The following ARHGAP44 variants were observed in gnomAD, a reference collection of about 807,000 sequenced individuals.
ARHGAP44 encodes rho GTPase-activating protein 44.
A neutral mutation model predicts 106.8 loss-of-function variants in ARHGAP44; 43 were observed. The observed-to-expected ratio is 0.40, with a 90% CI of 0.32 to 0.52. The LOEUF (loss-of-function observed/expected upper bound fraction) is 0.52, where lower values mean the gene tolerates loss of function less well. Ranked by LOEUF, ARHGAP44 falls within the 20% of genes least tolerant of loss-of-function variation. The pLI is 0.48. For missense variants in ARHGAP44, 866 were observed against 1,050.5 expected, an observed-to-expected ratio of 0.82 and a Z score of 2.43; for synonymous variants, 439 against 410.3, an observed-to-expected ratio of 1.07 and a Z score of -0.85.
chr17:12,793,715 A>C lies in ARHGAP44; in HGVS notation c.53+3824A>C, dbSNP rs543077394. Among the ~76,000 whole-genome samples, 1,025 of 152,068 alleles carry C rather than the reference A, an allele frequency of 6.7e-3. 4 individuals are homozygous for C. The highest frequency in any genetic ancestry group is 0.012 in the South Asian group (57 of 4,822). ...AGAGTGAGACTCCATCTCACACAAA[A>C]AAAAAAAAAGGAACCTGCATTCTAA... On this transcript the variant is annotated intron_variant, in intron 1 of 20. Transcript: ENST00000379672.
intron 16 of ARHGAP44, among the ~76,000 whole-genome samples, chr17:12,968,422 C>T (rs73978292): frequency 0.056 from 8,462 of 152,220 alleles, 792 homozygotes; most frequent in African/African-American, 0.19. Flanking sequence ...CAGGCTGAGC[C>T]TCCTGCGCCC....
intron 1 of ARHGAP44, among the ~76,000 whole-genome samples, chr17:12,847,707 C>T (rs904053574): frequency 6.6e-6 from 1 of 151,120 alleles, no homozygotes; most frequent in African/African-American, 2.4e-5. Flanking sequence ...TTAGTAGAGA[C>T]GGGGTTTCAC....
At chr17:12,985,555 C>G (rs1021364920) in intron 20 of ARHGAP44, 3 of 152,236 alleles carry the variant, frequency 2.0e-5, no homozygotes, top group Non-Finnish European at 2.9e-5. Context: ...TCTCTTCCCC[C>G]AGAAAAATCT....
At chr17:12,968,967 C>T (rs1015837592) in intron 16 of ARHGAP44, among the ~76,000 whole-genome samples, 7 of 152,024 alleles carry the variant, frequency 4.6e-5, no homozygotes, top group African/African-American at 1.7e-4. Context: ...GATGGGGTTT[C>T]ACAGTGTTAG....
intron 17 of ARHGAP44, 35 bp downstream of exon 17, chr17:12,973,354 C>CA: frequency 6.3e-7 from 1 of 1,598,136 alleles, no homozygotes; most frequent in East Asian, 2.2e-5. Flanking sequence ...AGGCCATGCT[C>CA]AGTCTCTTCA....
In ARHGAP44 at chr17:12,851,558, G is replaced by A. The variant is rs572013094; in HGVS notation, c.54-43382G>A. Among the ~76,000 whole-genome samples, 10 of 151,964 alleles carry A rather than the reference G, an allele frequency of 6.6e-5. No homozygotes were observed. The South Asian group carries it at 1.7e-3, about 25-fold the overall frequency. On this transcript the variant is annotated intron_variant, in intron 1 of 20. Coordinates refer to ENST00000379672, the MANE Select transcript of ARHGAP44 (RefSeq NM_014859.6). ...TCTCGGCTCACCACAACCTCCGTCC[G>A]GTTGTAGCTGGGATTACAGGCATGC...
At chr17:12,881,542 A>C (rs890647236) in intron 1 of ARHGAP44, among the ~76,000 whole-genome samples, 1 of 152,072 alleles carries the variant, frequency 6.6e-6, no homozygotes, top group Non-Finnish European at 1.5e-5. Flanking sequence ...ACCGATGCAA[A>C]CATTGATATA....
At chr17:12,987,388 C>T (rs1598170051) in intron 20 of ARHGAP44, 1 of 447,112 alleles carries the variant, frequency 2.2e-6, no homozygotes. Context: ...AGAACCCAGC[C>T]AGCCCCTTTC....
Position 12,978,035 on chromosome 17 carries a change from T to TAAAAAAAAAAAAAAAAAAA in ARHGAP44, c.1764-2023_1764-2022insAAAAAAAAAAAAAAAAAAA, listed in dbSNP as rs757585682. On this transcript the variant is annotated intron_variant, in intron 18 of 20. Coordinates refer to ENST00000379672, the MANE Select transcript of ARHGAP44 (RefSeq NM_014859.6). ...CTGGGCAACAGAGCAAGACTCCATC[T>TAAAAAAAAAAAAAAAAAAA]CAAAAAAAAAAAAAAAAAAAAGTGT... Among the ~76,000 whole-genome samples the TAAAAAAAAAAAAAAAAAAA allele has an allele frequency of 0.011, 586 of 55,498 alleles. 170 individuals carry two copies. The East Asian group carries it at 0.14, about 13-fold the overall frequency. 36.4% of individuals were successfully genotyped at this position (55,498 alleles called of 152,430 possible). A position where few individuals can be genotyped will look rare whatever the true frequency, so the allele number is the denominator to read the frequency against.
At chr17:12,963,417 T>C (rs1291175329) in intron 16 of ARHGAP44, among the ~76,000 whole-genome samples, 1 of 152,194 alleles carries the variant, frequency 6.6e-6, no homozygotes, top group East Asian at 1.9e-4. Flanking sequence ...TGGAGAGAAA[T>C]GGAAGTCCCC....
chr17:12,881,281 C>T (rs1165908699), intron 1 of ARHGAP44, among the ~76,000 whole-genome samples: 2 of 151,968 alleles, frequency 1.3e-5, no homozygotes, highest in Admixed American at 6.6e-5. Context: ...TTCCCTTAGG[C>T]GTTTTAATAT....
chr17:12,864,818 T>C (rs1009334721), intron 1 of ARHGAP44, among the ~76,000 whole-genome samples: 4 of 152,166 alleles, frequency 2.6e-5, no homozygotes, highest in Non-Finnish European at 4.4e-5. Flanking sequence ...GTTTCCACAA[T>C]ATAAAAACTA....
At chr17:12,875,640 A>G (rs1448900078) in intron 1 of ARHGAP44, among the ~76,000 whole-genome samples, 1 of 151,998 alleles carries the variant, frequency 6.6e-6, no homozygotes, top group Non-Finnish European at 1.5e-5. Context: ...AACACCCTCA[A>G]GCTATTTTAA....
At chr17:12,904,828 G>GAATGA in intron 3 of ARHGAP44, among the ~76,000 whole-genome samples, 1 of 152,304 alleles carries the variant, frequency 6.6e-6, no homozygotes, top group South Asian at 2.1e-4. Context: ...TTGGTGAGGG[G>GAATGA]AATGAAGTGG....
intron 14 of ARHGAP44, 64 bp from the exon 15 acceptor site, chr17:12,956,591 A>G (rs1172618686): frequency 7.0e-7 from 1 of 1,430,652 alleles, no homozygotes; most frequent in Non-Finnish European, 9.8e-7. Flanking sequence ...CCAGAGGACC[A>G]TGGGCCTCAA....
At chr17:12,964,286 AT>A (rs148404209) in intron 16 of ARHGAP44, among the ~76,000 whole-genome samples, 12,159 of 151,696 alleles carry the variant, frequency 0.08, 644 homozygotes, top group Admixed American at 0.12. Flanking sequence ...GGTCAAATCA[AT>A]TTTTTTTTCT....
chr17:12,793,037 G>A (rs962818262), intron 1 of ARHGAP44, among the ~76,000 whole-genome samples: 1 of 152,192 alleles, frequency 6.6e-6, no homozygotes, highest in Non-Finnish European at 1.5e-5. Context: ...CCTGGCCACT[G>A]TGTGCCTCAT....
intron 16 of ARHGAP44, among the ~76,000 whole-genome samples, chr17:12,963,895 T>A (rs12600342): frequency 0.053 from 8,081 of 152,300 alleles, 790 homozygotes; most frequent in East Asian, 0.48. Flanking sequence ...GATAAGTATG[T>A]GATTCTAATG....
chr17:12,973,507 T>C, intron 17 of ARHGAP44, 188 bp downstream of exon 17: 1 of 637,254 alleles, frequency 1.6e-6, no homozygotes, highest in Non-Finnish European at 2.7e-6. Context: ...AAGCAGCCCC[T>C]TCCCTGCTGT....
Sources: gnomAD v4.1 joint callset for allele counts (sites outside exome capture counted in the v4.1 genomes callset) on GRCh38, gnomAD v4.1.1 for gene constraint, MANE v1.5 for transcripts, NCBI Gene and HGNC (gene_info 2026-07-23, HGNC 2026-07-21) for gene names.